PNPLA3: variants seen among roughly 807,000 people sequenced by gnomAD.
PNPLA3 encodes the protein patatin like domain 3, 1-acylglycerol-3-phosphate O-acyltransferase, also known as 1-acylglycerol-3-phosphate O-acyltransferase PNPLA3.
Under a neutral mutation model 43.1 loss-of-function variants are expected in PNPLA3, and 42 were observed. The observed-to-expected ratio is 0.97, with a 90% CI of 0.76 to 1.26. The LOEUF is 1.26. Among genes scored for constraint, PNPLA3 ranks in the 50% most tolerant of loss-of-function variants. The probability of loss-of-function intolerance (pLI) is 0.00; values close to 1 mark genes in which losing one functional copy is unlikely to be tolerated. For missense variants in PNPLA3, 647 were observed against 621.4 expected (o/e 1.04, Z -0.44); for synonymous variants, 272 against 253.6 (o/e 1.07, Z -0.69).
In PNPLA3 at chr22:43,937,059, A is replaced by C. The variant is rs781770847; in HGVS notation, c.766A>C (p.Asn256His). 1.2e-6 allele frequency: 2 copies of C among 1,613,302 alleles called. No individual in the cohort carries two copies. Among genetic ancestry groups the C allele is most frequent in the African/African-American group, 1.3e-5 (1 of 74,940 alleles). The change falls in exon 6 of 9, where the codon AAC (asparagine) becomes CAC (histidine). Residue 256 changes from asparagine to histidine, a missense_variant. Coordinates refer to ENST00000216180, the MANE Select transcript of PNPLA3 (RefSeq NM_025225.3). The stretch of plus-strand genomic sequence containing the variant: ...TTCCGTGCCCTTCACAGGCATCTGC[A>C]ACAGGCCCCAGCCAGGCCTGAAGTC... Reference protein sequence around the residue: ...FRFLEEKGICNRPQPGLKSSS... With the variant: ...FRFLEEKGICHRPQPGLKSSS...
chr22:43,925,306 G>A (rs764812436), intron 1 of PNPLA3, among the ~76,000 whole-genome samples: 5 of 152,106 alleles, frequency 3.3e-5, no homozygotes, highest in African/African-American at 7.2e-5. Flanking sequence ...GGGTGCAGAC[G>A]GAGGGTTTGT....
intron 7 of PNPLA3, among the ~76,000 whole-genome samples, chr22:43,941,263 A>C (rs2050029050): frequency 7.1e-6 from 1 of 141,352 alleles, no homozygotes. Context: ...AGGAGAACAC[A>C]GTGTGACTCT....
chr22:43,945,157 G>A (rs1054622366), intron 8 of PNPLA3, among the ~76,000 whole-genome samples: 3 of 152,198 alleles, frequency 2.0e-5, no homozygotes, highest in Non-Finnish European at 2.9e-5. Context: ...GTGTCTGAGC[G>A]AAGGAGCTCT....
At position 43,937,291 on chromosome 22, in the gene PNPLA3, G is replaced by A; in HGVS notation, c.979+19G>A. ...GCTACAGGTACCCACTCCTCGGGGTGAGCACGGGCAGCACCTTGTTTTCTT... is the reference window on the plus strand; with the variant it reads ...GCTACAGGTACCCACTCCTCGGGGTAAGCACGGGCAGCACCTTGTTTTCTT... On this transcript the variant is annotated intron_variant, in intron 6 of 8. Transcript: ENST00000216180. The A allele has an allele frequency of 1.9e-6, 3 of 1,606,728 alleles. No individual in the cohort carries two copies. Among genetic ancestry groups the A allele is most frequent in the East Asian group, 4.5e-5 (2 of 44,804 alleles).
In PNPLA3 at chr22:43,946,541, C is replaced by A. The variant is rs866388723; in HGVS notation, c.*159C>A. ...GGTTTTATGAAAAGCTAGGAAGCAA[C>A]CTTTCGCCTGTGCAGCGGTCCAGCA... is the stretch of plus-strand genomic sequence containing the variant. On this transcript the variant is annotated 3_prime_UTR_variant, in exon 9 of 9. Coordinates refer to ENST00000216180, the MANE Select transcript of PNPLA3 (RefSeq NM_025225.3). 1 of 747,474 alleles carries A rather than the reference C, an allele frequency of 1.3e-6. No homozygotes were observed. Among genetic ancestry groups the A allele is most frequent in the Admixed American group, 2.1e-5 (1 of 48,690 alleles). 46.3% of individuals were successfully genotyped at this position (747,474 alleles called of 1,614,324 possible). A position where few individuals can be genotyped will look rare whatever the true frequency, so the allele number is the denominator to read the frequency against.
rs738409 is a variant in PNPLA3, at chr22:43,928,847, C to T, written c.444C>T (p.Ile148=). ...VVDALVCSCF[I]PFYSGLIPPS... ...AGGCCTTGGTATGTTCCTGCTTCAT[C>T]CCCTTCTACAGTGGCCTTATCCCTC... Residue 148 remains isoleucine (I), a synonymous_variant, in exon 3 of 9, where the codon ATC becomes ATT. Coordinates refer to ENST00000216180, the MANE Select transcript of PNPLA3 (RefSeq NM_025225.3). 2 of 1,610,018 alleles carry T rather than the reference C, an allele frequency of 1.2e-6. No homozygotes were observed. The highest frequency in any genetic ancestry group is 1.7e-6 in the Non-Finnish European group (2 of 1,176,652).
chr22:43,931,347 C>A (rs1175069013), intron 3 of PNPLA3, among the ~76,000 whole-genome samples: 6 of 152,144 alleles, frequency 3.9e-5, no homozygotes, highest in Non-Finnish European at 8.8e-5. Context: ...CTCCTAAATT[C>A]AAAACATTAC....
At chr22:43,939,251 A>T in intron 6 of PNPLA3, 5 of 410,776 alleles carry the variant, frequency 1.2e-5, no homozygotes, top group Non-Finnish European at 1.6e-5. Context: ...TGTGCACATT[A>T]TTTGCTGTGG....
intron 7 of PNPLA3, among the ~76,000 whole-genome samples, chr22:43,941,731 C>T (rs1182024825): frequency 6.6e-6 from 1 of 151,692 alleles, no homozygotes; most frequent in Non-Finnish European, 1.5e-5. Flanking sequence ...GTTTCATCCG[C>T]AATATATGGA....
At chr22:43,942,149 GT>G (rs2050034921) in intron 7 of PNPLA3, among the ~76,000 whole-genome samples, 1 of 152,152 alleles carries the variant, frequency 6.6e-6, no homozygotes, top group South Asian at 2.1e-4. Flanking sequence ...CTTGCCATTT[GT>G]CCCTGGACCA....
At chr22:43,945,726 T>TCTGTAGAC (rs2050058779) in intron 8 of PNPLA3, among the ~76,000 whole-genome samples, 1 of 151,858 alleles carries the variant, frequency 6.6e-6, no homozygotes, top group African/African-American at 2.4e-5. Context: ...GCAGGGACGA[T>TCTGTAGAC]CTGTAGACCG....
chr22:43,943,619 A>C (rs754453842), intron 7 of PNPLA3, among the ~76,000 whole-genome samples: 8 of 151,998 alleles, frequency 5.3e-5, no homozygotes, highest in Non-Finnish European at 8.8e-5. Context: ...CAGATTTATC[A>C]CTTCTCGTAA....
At chr22:43,936,029 A>G (rs1469413840) in intron 5 of PNPLA3, among the ~76,000 whole-genome samples, 2 of 152,274 alleles carry the variant, frequency 1.3e-5, no homozygotes, top group African/African-American at 2.4e-5. Flanking sequence ...CCGATGGGAC[A>G]TTTGGGAAGA....
intron 3 of PNPLA3, 73 bp downstream of exon 3, chr22:43,928,962 G>T: frequency 6.9e-7 from 1 of 1,458,738 alleles, no homozygotes. Flanking sequence ...CCTGCCTGCA[G>T]GGCACTGGTG....
At position 43,946,946 on chromosome 22, in the gene PNPLA3, T is replaced by C; in HGVS notation, c.*564T>C. The C allele has an allele frequency of 3.3e-6, 1 of 305,492 alleles. No homozygotes were observed. The highest frequency in any genetic ancestry group is 2.8e-5 in the South Asian group (1 of 35,676). The allele number at this position is 305,492 out of a possible 1,614,324, so 18.9% of individuals were successfully genotyped here. On this transcript the variant is annotated 3_prime_UTR_variant, in exon 9 of 9. Coordinates refer to ENST00000216180, the MANE Select transcript of PNPLA3 (RefSeq NM_025225.3). The stretch of plus-strand genomic sequence containing the variant: ...ATAATCTACTTAATTTTAGAACACC[T>C]TTTTCACCTAACTAAAATAATGTTT...
rs1345915036 is a variant in PNPLA3, at chr22:43,944,677, T to A, written c.1113-14T>A. ...CCTATGTGTGTGTTTGTGTACTTGG[T>A]CTCATCTCTGCAGACTGGTGACATG... On this transcript the variant is annotated splice_polypyrimidine_tract_variant and intron_variant, in intron 7 of 8. Coordinates refer to ENST00000216180, the MANE Select transcript of PNPLA3 (RefSeq NM_025225.3). 1 of 1,611,136 alleles carries A rather than the reference T, an allele frequency of 6.2e-7. No individual in the cohort carries two copies. The highest frequency in any genetic ancestry group is 8.5e-7 in the Non-Finnish European group (1 of 1,177,244).
At position 43,944,724 on chromosome 22, in the gene PNPLA3, T is replaced by C; in HGVS notation, c.1146T>C (p.Asp382=). 6.2e-7 allele frequency: 1 copy of C among 1,614,224 alleles called. No individual in the cohort carries two copies. Among genetic ancestry groups the C allele is most frequent in the Non-Finnish European group, 8.5e-7 (1 of 1,180,038 alleles). Residue 382 remains aspartate, a synonymous_variant, in exon 8 of 9, where the codon GAT becomes GAC. Transcript: ENST00000216180. ...LVTWLPDMPD[D]VLWLQWVTSQ... ...CATGGCTTCCAGATATGCCCGACGA[T>C]GTCCTGTGGTTGCAGTGGGTGACCT... is the stretch of plus-strand genomic sequence containing the variant.
rs190754647 is a variant in PNPLA3 at position 43,938,060 on chromosome 22, A to G, written c.979+788A>G. ...AGGACTCAGAAGGTGGTGTCTATGA[A>G]GAAGCAGGCCCTCACCAGACACCAA... On this transcript the variant is annotated intron_variant, in intron 6 of 8. Transcript: ENST00000216180. 2.9e-3 allele frequency among the ~76,000 whole-genome samples: 448 copies of G among 152,268 alleles called. 4 individuals are homozygous for G. Among genetic ancestry groups the G allele is most frequent in the African/African-American group, 0.01 (421 of 41,564 alleles).
chr22:43,941,084 G>C (rs2050027705), intron 7 of PNPLA3, among the ~76,000 whole-genome samples: 1 of 144,302 alleles, frequency 6.9e-6, no homozygotes, highest in Non-Finnish European at 1.5e-5. Context: ...GGCGGAGGTT[G>C]GTTGCAGTGA....
Sources: allele counts gnomAD v4.1 joint callset (sites outside exome capture counted in the v4.1 genomes callset), GRCh38; gene constraint gnomAD v4.1.1; transcripts MANE v1.5; gene names NCBI Gene and HGNC (gene_info 2026-07-23, HGNC 2026-07-21).